MYCBP2: variants seen among roughly 807,000 people sequenced by gnomAD.
MYCBP2 encodes the protein E3 ubiquitin-protein ligase MYCBP2.
A neutral mutation model predicts 525.3 loss-of-function variants in MYCBP2; 120 were observed. The ratio of observed to expected loss-of-function variants is 0.23; its 90% CI spans 0.20 to 0.27. The LOEUF (loss-of-function observed/expected upper bound fraction) is 0.27. MYCBP2 is among the 10% of genes least tolerant of loss of function. The pLI, the probability that MYCBP2 is intolerant of heterozygous loss-of-function variation, is 1.00. For missense variants in MYCBP2, 4,149 were observed against 5,657.1 expected (o/e 0.73, Z 8.55); for synonymous variants, 1,894 against 1,955.8 (o/e 0.97, Z 0.83).
rs1405094151 is a variant in MYCBP2, at chr13:77,098,278, C to T, written c.8876G>A (p.Ser2959Asn). 4.3e-6 allele frequency: 7 copies of T among 1,612,242 alleles called. No individual in the cohort carries two copies. The highest frequency in any genetic ancestry group is 5.9e-6 in the Non-Finnish European group (7 of 1,179,810). ...STCDDSSEFK[S>N]VDEGSNKVHF... Reference sequence around the variant, plus strand: ...AACTTTATTTGAACCTTCATCCACACTCTTAAATTCACTGCTGTCATCGCA... The same window carrying T: ...AACTTTATTTGAACCTTCATCCACATTCTTAAATTCACTGCTGTCATCGCA... Residue 2959 changes from serine to asparagine, a missense_variant, in exon 56 of 83, where the codon AGT becomes AAT. Physicochemically the swap from Ser to Asn is conservative, Grantham distance 46 (BLOSUM62 1). Coordinates refer to ENST00000544440, the MANE Select transcript of MYCBP2 (RefSeq NM_015057.5).
At chr13:77,191,874 T>C (rs2061331910) in intron 27 of MYCBP2, 61 bp from the exon 28 acceptor site, 2 of 1,532,570 alleles carry the variant, frequency 1.3e-6, no homozygotes, top group Non-Finnish European at 1.8e-6. Context: ...CATATATTTA[T>C]TTTTTCAAAA....
chr13:77,232,174 C>T (rs566570658), intron 18 of MYCBP2, among the ~76,000 whole-genome samples: 3 of 151,986 alleles, frequency 2.0e-5, no homozygotes, highest in Admixed American at 6.6e-5. Flanking sequence ...TACTATATTG[C>T]CTATGAAATT....
At chr13:77,321,433 A>G (rs534383605) in intron 1 of MYCBP2, among the ~76,000 whole-genome samples, 72 of 152,372 alleles carry the variant, frequency 4.7e-4, no homozygotes, top group African/African-American at 1.6e-3. Flanking sequence ...ATACAGATTC[A>G]ATCCCGCATT....
intron 1 of MYCBP2, among the ~76,000 whole-genome samples, chr13:77,303,707 A>G (rs2079064529): frequency 6.6e-6 from 1 of 152,174 alleles, no homozygotes; most frequent in South Asian, 2.1e-4. Flanking sequence ...AATCGGTAGA[A>G]TGCTGCTAAC....
chr13:77,218,851 G>C (rs1211727681), intron 20 of MYCBP2, among the ~76,000 whole-genome samples: 1 of 152,166 alleles, frequency 6.6e-6, no homozygotes, highest in Non-Finnish European at 1.5e-5. Flanking sequence ...TTTGAGAAAT[G>C]TAATTATGAC....
intron 19 of MYCBP2, 110 bp from the exon 20 acceptor site, chr13:77,224,642 T>A: frequency 1.8e-6 from 1 of 568,408 alleles, no homozygotes; most frequent in Non-Finnish European, 3.0e-6. Context: ...ATAGAACCAT[T>A]AAAAATAGGT....
chr13:77,286,936 G>C lies in MYCBP2; in HGVS notation c.594+1225C>G, dbSNP rs1273408880. On this transcript the variant is annotated intron_variant, in intron 3 of 82. Coordinates refer to ENST00000544440, the MANE Select transcript of MYCBP2 (RefSeq NM_015057.5). Reference sequence around the variant, plus strand: ...GTCTAGCTCTGTTGTCCAGGCTGGAGTGCAGTGGCGCCATCTCGGCTCACT... The same window carrying C: ...GTCTAGCTCTGTTGTCCAGGCTGGACTGCAGTGGCGCCATCTCGGCTCACT... Among the ~76,000 whole-genome samples the C allele has an allele frequency of 4.7e-5, 7 of 148,216 alleles. No individual in the cohort carries two copies. In the East Asian group the frequency reaches 6.1e-4, roughly 13 times the overall value.
rs1417911042 is a variant in MYCBP2, at chr13:77,072,290, CA to C, written c.11824-1580del. ...TGGGCGACAGGGCAAGACTCCATTT[CA>C]AAAAAAAAGAAAAAAAAAAAAAAAA... is the stretch of plus-strand genomic sequence containing the variant. On this transcript the variant is annotated intron_variant, in intron 68 of 82. Transcript: ENST00000544440. 3.9e-5 allele frequency among the ~76,000 whole-genome samples: 3 copies of C among 77,072 alleles called. No homozygotes were observed. In the East Asian group the frequency reaches 1.2e-3, roughly 30 times the overall value. The allele number at this position is 77,072 out of a possible 152,430, so 50.6% of individuals were successfully genotyped here. A position where few individuals can be genotyped will look rare whatever the true frequency, so the allele number is the denominator to read the frequency against.
At chr13:77,200,512 C>T (rs1051424885) in intron 26 of MYCBP2, among the ~76,000 whole-genome samples, 2 of 151,774 alleles carry the variant, frequency 1.3e-5, no homozygotes, top group African/African-American at 4.8e-5. Context: ...GCAAGGCAGG[C>T]CAACATTCAG....
At position 77,326,954 on chromosome 13, in the gene MYCBP2, C is replaced by G. The variant is rs542767765; in HGVS notation, c.-179G>C. On this transcript the variant is annotated 5_prime_UTR_variant, in exon 1 of 83. Transcript: ENST00000544440. The surrounding 1 kb of genome is among the most constrained non-coding windows in gnomAD (Gnocchi z 4.2). ...CCTCCTCCTTCTTCTCCTCCTCCCCCCCGCGCCGCCCTCGCCGCTACTGGG... is the reference window on the plus strand; with the variant it reads ...CCTCCTCCTTCTTCTCCTCCTCCCCGCCGCGCCGCCCTCGCCGCTACTGGG... The G allele has an allele frequency of 2.1e-5, 11 of 524,244 alleles. No individual in the cohort carries two copies. Among genetic ancestry groups the G allele is most frequent in the Admixed American group, 8.7e-5 (2 of 22,952 alleles). 32.5% of individuals were successfully genotyped at this position (524,244 alleles called of 1,614,324 possible).
chr13:77,184,569 A>G (rs903076188), intron 32 of MYCBP2, among the ~76,000 whole-genome samples: 40 of 152,180 alleles, frequency 2.6e-4, no homozygotes, highest in African/African-American at 4.8e-5. Flanking sequence ...TAGTTCCTCT[A>G]TTAATTACTG....
At chr13:77,153,022 G>T (rs2056716644) in intron 46 of MYCBP2, among the ~76,000 whole-genome samples, 2 of 141,334 alleles carry the variant, frequency 1.4e-5, no homozygotes, top group African/African-American at 5.4e-5. Flanking sequence ...CTGAAATCGT[G>T]CCACTGTACT....
intron 18 of MYCBP2, among the ~76,000 whole-genome samples, chr13:77,228,945 G>A (rs1341636408): frequency 6.6e-6 from 1 of 152,086 alleles, no homozygotes; most frequent in Non-Finnish European, 1.5e-5. Flanking sequence ...GCATATAACA[G>A]AAACTACCAC....
chr13:77,206,923 T>C (rs1007858144), intron 23 of MYCBP2, 98 bp from the exon 24 acceptor site: 2 of 1,087,002 alleles, frequency 1.8e-6, no homozygotes, highest in African/African-American at 1.6e-5. Flanking sequence ...ATAAATAATA[T>C]AGTCAGCTTA....
chr13:77,269,846 G>A (rs936175170), intron 7 of MYCBP2, 146 bp downstream of exon 7: 16 of 665,870 alleles, frequency 2.4e-5, no homozygotes, highest in Non-Finnish European at 3.8e-5. Flanking sequence ...TGTTCTTTAC[G>A]CTACACTATT....
chr13:77,075,570 C>T (rs746427579), intron 68 of MYCBP2: 2 of 152,288 alleles, frequency 1.3e-5, no homozygotes, highest in Admixed American at 6.5e-5. Context: ...CACTCCAGGG[C>T]ACAATGATCT....
At chr13:77,282,357 C>T (rs2076280211) in intron 3 of MYCBP2, among the ~76,000 whole-genome samples, 1 of 151,648 alleles carries the variant, frequency 6.6e-6, no homozygotes, top group Non-Finnish European at 1.5e-5. Context: ...CTGCAGTGAG[C>T]CAAGATCGTG....
At chr13:77,219,642 G>A (rs1739076254) in intron 20 of MYCBP2, among the ~76,000 whole-genome samples, 1 of 152,136 alleles carries the variant, frequency 6.6e-6, no homozygotes, top group Admixed American at 6.6e-5. Context: ...GAAAGAAGCA[G>A]AGAAGTGGTA....
intron 68 of MYCBP2, among the ~76,000 whole-genome samples, chr13:77,071,229 A>G (rs796107346): frequency 3.8e-5 from 1 of 26,034 alleles, no homozygotes; most frequent in African/African-American, 1.2e-4. Context: ...ATATGTATAT[A>G]TGTGTGTGTA....
Sources: allele counts gnomAD v4.1 joint callset (sites outside exome capture counted in the v4.1 genomes callset), GRCh38; gene constraint gnomAD v4.1.1; non-coding constraint Gnocchi (gnomAD v3.1); transcripts MANE v1.5; gene names NCBI Gene and HGNC (gene_info 2026-07-23, HGNC 2026-07-21).